Variants in ASTN2 observed in about 807,000 individuals in gnomAD.
ASTN2 encodes the protein astrotactin-2.
ASTN2 carries 54 observed loss-of-function variants against 139.8 expected under a neutral mutation model. That is an observed-to-expected ratio of 0.39 (90% CI 0.31 to 0.48). The LOEUF (loss-of-function observed/expected upper bound fraction) is 0.48, where lower values mean the gene tolerates loss of function less well. ASTN2 is among the 20% of genes least tolerant of loss of function. The pLI is 0.95. For synonymous variants in ASTN2, 756 were observed against 719.5 expected, an observed-to-expected ratio of 1.05 and a Z score of -0.81; for missense variants, 1,565 against 1,725.1, an observed-to-expected ratio of 0.91 and a Z score of 1.64.
intron 12 of ASTN2, among the ~76,000 whole-genome samples, chr9:116,817,618 G>C (rs1007260106): frequency 9.9e-5 from 15 of 152,178 alleles, no homozygotes; most frequent in African/African-American, 3.6e-4. Context: ...CATGTTAATG[G>C]AGGAACTTTG....
At chr9:116,502,624 A>G (rs1347174467) in intron 19 of ASTN2, among the ~76,000 whole-genome samples, 2 of 150,890 alleles carry the variant, frequency 1.3e-5, no homozygotes, top group Non-Finnish European at 3.0e-5. Flanking sequence ...AACAGAGAAA[A>G]TCGGGGTCAG....
chr9:117,169,611 A>C (rs1174006990), intron 3 of ASTN2, among the ~76,000 whole-genome samples: 3 of 152,230 alleles, frequency 2.0e-5, no homozygotes, highest in African/African-American at 7.2e-5. Flanking sequence ...AAGCCACTAG[A>C]AAAAAGGGCA....
intron 13 of ASTN2, among the ~76,000 whole-genome samples, chr9:116,804,672 T>C (rs1304339286): frequency 6.6e-6 from 1 of 152,150 alleles, no homozygotes; most frequent in Non-Finnish European, 1.5e-5. Context: ...AATACAATTA[T>C]CACTACTATT....
chr9:116,697,934 C>T, intron 16 of ASTN2: 1 of 1,614,236 alleles, frequency 6.2e-7, no homozygotes, highest in Non-Finnish European at 8.5e-7. Flanking sequence ...GTCCCTTTTG[C>T]AGCAAGATTA....
At chr9:117,155,459 C>A (rs903379396) in intron 3 of ASTN2, among the ~76,000 whole-genome samples, 6 of 151,676 alleles carry the variant, frequency 4.0e-5, no homozygotes, top group Admixed American at 3.9e-4. Flanking sequence ...TGCTAATGTG[C>A]ACAATGAGGT....
intron 13 of ASTN2, among the ~76,000 whole-genome samples, chr9:116,756,627 C>A (rs775535653): frequency 4.6e-5 from 7 of 152,072 alleles, no homozygotes; most frequent in Non-Finnish European, 8.8e-5. Flanking sequence ...AATGTTTATT[C>A]TAAACCCTAC....
chr9:116,618,299 A>AG, intron 19 of ASTN2, 25 bp downstream of exon 19: 1 of 1,604,290 alleles, frequency 6.2e-7, no homozygotes, highest in Non-Finnish European at 8.5e-7. Flanking sequence ...TACTATCCCA[A>AG]GAAAATGGGA....
intron 4 of ASTN2, among the ~76,000 whole-genome samples, chr9:117,130,450 T>C (rs1442581989): frequency 6.6e-6 from 1 of 152,204 alleles, no homozygotes; most frequent in Non-Finnish European, 1.5e-5. Context: ...TCTCTACTTG[T>C]ATCCCACCCC....
intron 19 of ASTN2, among the ~76,000 whole-genome samples, chr9:116,504,499 T>C (rs992723336): frequency 1.3e-5 from 2 of 152,228 alleles, no homozygotes; most frequent in Non-Finnish European, 2.9e-5. Context: ...AAGCTCTTAA[T>C]CTTTTCTGAT....
chr9:117,103,055 A>T (rs913756620), intron 4 of ASTN2, among the ~76,000 whole-genome samples: 1 of 152,112 alleles, frequency 6.6e-6, no homozygotes, highest in African/African-American at 2.4e-5. Flanking sequence ...GTGTGTGGGG[A>T]TGCAGAAGGT....
At chr9:116,517,942 A>G (rs933526673) in intron 19 of ASTN2, among the ~76,000 whole-genome samples, 1 of 152,170 alleles carries the variant, frequency 6.6e-6, no homozygotes, top group Non-Finnish European at 1.5e-5. Context: ...AAATTAACCC[A>G]ATCCATCAAA....
intron 22 of ASTN2, among the ~76,000 whole-genome samples, chr9:116,434,999 C>A (rs1847606763): frequency 6.6e-6 from 1 of 152,196 alleles, no homozygotes; most frequent in South Asian, 2.1e-4. Flanking sequence ...TAGAGCTCAT[C>A]TTATATCAGT....
intron 10 of ASTN2, among the ~76,000 whole-genome samples, chr9:116,944,987 G>T (rs1835349690): frequency 6.6e-6 from 1 of 152,154 alleles, no homozygotes; most frequent in Admixed American, 6.5e-5. Context: ...AGTCGGTCAA[G>T]TCATCAGCTC....
At chr9:116,487,245 C>T in intron 20 of ASTN2, 114 bp downstream of exon 20, 1 of 1,325,244 alleles carries the variant, frequency 7.5e-7, no homozygotes, top group South Asian at 1.5e-5. Flanking sequence ...GTTGCACATA[C>T]AGGCTAGCTA....
chr9:116,764,931 G>A (rs190666395), intron 13 of ASTN2, among the ~76,000 whole-genome samples: 4 of 152,202 alleles, frequency 2.6e-5, no homozygotes, highest in African/African-American at 7.2e-5. Context: ...TGCCCCCACC[G>A]TACCTTTGTA....
intron 6 of ASTN2, among the ~76,000 whole-genome samples, chr9:117,020,109 A>C (rs752721553): frequency 6.6e-6 from 1 of 151,584 alleles, no homozygotes; most frequent in Non-Finnish European, 1.5e-5. Flanking sequence ...AACTGGGCAG[A>C]CTAGGATTGG....
At chr9:117,408,625 G>C (rs1831074907) in intron 1 of ASTN2, among the ~76,000 whole-genome samples, 1 of 152,160 alleles carries the variant, frequency 6.6e-6, no homozygotes, top group African/African-American at 2.4e-5. Context: ...TAAAATCACA[G>C]AGTAATTTTG....
intron 13 of ASTN2, among the ~76,000 whole-genome samples, chr9:116,737,964 G>T (rs899379263): frequency 1.3e-5 from 2 of 148,890 alleles, no homozygotes; most frequent in Admixed American, 1.3e-4. Context: ...AGGCCGAGGC[G>T]GGCGGATCAC....
chr9:117,019,572 G>T (rs1168432305), intron 6 of ASTN2, among the ~76,000 whole-genome samples: 2 of 152,130 alleles, frequency 1.3e-5, no homozygotes, highest in African/African-American at 4.8e-5. Flanking sequence ...TTCTGGGAAA[G>T]GTAAGGAGAT....
Sources: allele counts gnomAD v4.1 joint callset (sites outside exome capture counted in the v4.1 genomes callset), GRCh38; gene constraint gnomAD v4.1.1; transcripts MANE v1.5; gene names NCBI Gene and HGNC (gene_info 2026-07-23, HGNC 2026-07-21).